The following KCND3 variants were observed in gnomAD, a reference collection of about 807,000 sequenced individuals.
The protein encoded by KCND3 is potassium voltage-gated channel subfamily D member 3, also known as A-type voltage-gated potassium channel KCND3.
In KCND3, 9 loss-of-function variants were observed where a neutral mutation model predicts 51.1. The ratio of observed to expected loss-of-function variants is 0.18; its 90% confidence interval spans 0.11 to 0.31. The LOEUF is 0.31. Ranked by LOEUF, KCND3 falls within the 10% of genes least tolerant of loss-of-function variation. The probability of loss-of-function intolerance (pLI) is 1.00; values close to 1 mark genes in which losing one functional copy is unlikely to be tolerated. For missense variants in KCND3, 526 were observed against 903.8 expected (o/e 0.58, Z 5.36); for synonymous variants, 349 against 368.0 (o/e 0.95, Z 0.59).
chr1:111,827,738 T>C (rs1666642565), intron 2 of KCND3, among the ~76,000 whole-genome samples: 1 of 152,190 alleles, frequency 6.6e-6, no homozygotes, highest in Non-Finnish European at 1.5e-5. Flanking sequence ...AGTCTGTATA[T>C]TATCTTCACT....
chr1:111,915,842 T>C (rs1397464571), intron 2 of KCND3, among the ~76,000 whole-genome samples: 1 of 148,232 alleles, frequency 6.7e-6, no homozygotes, highest in East Asian at 2.0e-4. Context: ...CTAACAGGGA[T>C]TTTATAATGA....
chr1:111,951,583 T>TA (rs909112871), intron 2 of KCND3, among the ~76,000 whole-genome samples: 5 of 152,206 alleles, frequency 3.3e-5, no homozygotes, highest in Non-Finnish European at 5.9e-5. Flanking sequence ...AACAAATACT[T>TA]ACTGAGCACC....
intron 2 of KCND3, chr1:111,911,015 T>C (rs530248220): frequency 6.6e-6 from 1 of 152,334 alleles, no homozygotes; most frequent in East Asian, 1.9e-4. Flanking sequence ...TAAGAGATAA[T>C]TCTGGCCCCC....
At position 111,900,955 on chromosome 1, in the gene KCND3, C is replaced by G. The variant is rs528362751; in HGVS notation, c.1106+80666G>C. Among the ~76,000 whole-genome samples the G allele has an allele frequency of 2.6e-5, 4 of 152,078 alleles. No homozygotes were observed. In the South Asian group the frequency reaches 8.3e-4, roughly 32 times the overall value. On this transcript the variant is annotated intron_variant, in intron 2 of 7. Coordinates refer to ENST00000302127, the MANE Select transcript of KCND3 (RefSeq NM_001378969.1). ...CTGGGCGACAAGAGTGAAACTCCAT[C>G]TAAAAAAACAAAAGAAACAAACAAA...
intron 2 of KCND3, among the ~76,000 whole-genome samples, chr1:111,912,086 T>A (rs539107261): frequency 3.0e-4 from 45 of 152,300 alleles, no homozygotes; most frequent in African/African-American, 1.0e-3. Context: ...GGAATGAAAC[T>A]CCATAAGGCT....
chr1:111,772,741 G>A lies in KCND3; in HGVS notation c.*3336C>T, dbSNP rs1478426984. ...GTTCACATTCATTTGACATTTGAAT[G>A]TAACTGTTAGGTTGGTTGGTTGGTT... On this transcript the variant is annotated 3_prime_UTR_variant, in exon 8 of 8. Transcript: ENST00000302127. 3 of 152,162 alleles carry A rather than the reference G, an allele frequency of 2.0e-5. No homozygotes were observed. The highest frequency in any genetic ancestry group is 4.4e-5 in the Non-Finnish European group (3 of 68,026). The allele number at this position is 152,162 out of a possible 1,614,324, so 9.4% of individuals were successfully genotyped here.
intron 2 of KCND3, among the ~76,000 whole-genome samples, chr1:111,915,609 T>G (rs969859833): frequency 6.6e-6 from 1 of 151,554 alleles, no homozygotes; most frequent in Admixed American, 6.6e-5. Flanking sequence ...AAAAATCAGC[T>G]GGGCGTGGTG....
chr1:111,805,226 G>A (rs112606058), intron 2 of KCND3, among the ~76,000 whole-genome samples: 2 of 150,970 alleles, frequency 1.3e-5, no homozygotes, highest in Admixed American at 6.6e-5. Context: ...CCAACAGGGG[G>A]AAAAAAAAAG....
rs146360517 is a variant in KCND3, at chr1:111,894,997, CAG to C, written c.1106+86622_1106+86623del. On this transcript the variant is annotated intron_variant, in intron 2 of 7. Transcript: ENST00000302127. ...GGGAAAAGAGGGAAGGGAGAGGACT[CAG>C]GGGGAGGGAAGGGGAGGAGGAAATG... Among the ~76,000 whole-genome samples the C allele has an allele frequency of 7.4e-3, 1,069 of 144,662 alleles. 17 individuals are homozygous for C. The highest frequency in any genetic ancestry group is 0.025 in the African/African-American group (969 of 38,440). 94.9% of individuals were successfully genotyped at this position (144,662 alleles called of 152,430 possible).
intron 2 of KCND3, among the ~76,000 whole-genome samples, chr1:111,914,283 A>C (rs1671091984): frequency 6.6e-6 from 1 of 151,712 alleles, no homozygotes; most frequent in African/African-American, 2.4e-5. Context: ...AAAAAAAAAA[A>C]AAACCCATAG....
intron 3 of KCND3, among the ~76,000 whole-genome samples, chr1:111,783,562 GC>G (rs1278998034): frequency 6.6e-6 from 1 of 152,170 alleles, no homozygotes. Context: ...GCTGATGGGT[GC>G]CTTTTAACCA....
At chr1:111,825,449 G>A (rs973234648) in intron 2 of KCND3, among the ~76,000 whole-genome samples, 1 of 152,190 alleles carries the variant, frequency 6.6e-6, no homozygotes, top group African/African-American at 2.4e-5. Flanking sequence ...TCCACTTGAA[G>A]CTTTAAGGAT....
intron 2 of KCND3, among the ~76,000 whole-genome samples, chr1:111,804,741 T>A (rs375702560): frequency 6.6e-6 from 1 of 152,264 alleles, no homozygotes; most frequent in Non-Finnish European, 1.5e-5. Context: ...GATAGGGAGA[T>A]GGGTTCTATA....
intron 2 of KCND3, among the ~76,000 whole-genome samples, chr1:111,864,925 G>T (rs768566816): frequency 6.6e-6 from 1 of 152,172 alleles, no homozygotes; most frequent in Non-Finnish European, 1.5e-5. Context: ...GAGAGCAACA[G>T]AGAGAATGCT....
intron 2 of KCND3, among the ~76,000 whole-genome samples, chr1:111,878,333 C>A (rs1669147745): frequency 6.6e-6 from 1 of 152,230 alleles, no homozygotes; most frequent in South Asian, 2.1e-4. Context: ...CCTAATAAGA[C>A]ACGGGCTTCT....
At chr1:111,807,198 C>T (rs566759810) in intron 2 of KCND3, among the ~76,000 whole-genome samples, 1 of 152,008 alleles carries the variant, frequency 6.6e-6, no homozygotes, top group African/African-American at 2.4e-5. Context: ...AAAAAGAGAC[C>T]CCCAAAGAAG....
At chr1:111,837,986 C>A (rs1385463313) in intron 2 of KCND3, among the ~76,000 whole-genome samples, 1 of 152,194 alleles carries the variant, frequency 6.6e-6, no homozygotes, top group Middle Eastern at 3.4e-3. Flanking sequence ...CATGTCATAC[C>A]GAGGGCACAT....
At chr1:111,878,134 G>A (rs1186276255) in intron 2 of KCND3, among the ~76,000 whole-genome samples, 1 of 152,196 alleles carries the variant, frequency 6.6e-6, no homozygotes, top group Admixed American at 6.5e-5. Context: ...CCCTAGTGCT[G>A]TCTTGCCTCT....
At chr1:111,915,595 T>G (rs1249092712) in intron 2 of KCND3, among the ~76,000 whole-genome samples, 2 of 151,102 alleles carry the variant, frequency 1.3e-5, no homozygotes, top group Admixed American at 6.6e-5. Flanking sequence ...TACTAAGAAA[T>G]ACAAAAAATC....
Sources: gnomAD v4.1 joint callset for allele counts (sites outside exome capture counted in the v4.1 genomes callset) on GRCh38, gnomAD v4.1.1 for gene constraint, MANE v1.5 for transcripts, NCBI Gene and HGNC (gene_info 2026-07-23, HGNC 2026-07-21) for gene names.